Variants in MALRD1 observed in about 807,000 individuals in gnomAD.
MALRD1 encodes MAM and LDL receptor class A domain containing 1.
Under a neutral mutation model 242.1 loss-of-function variants are expected in MALRD1, and 247 were observed. That is an observed-to-expected ratio of 1.02 (90% CI 0.92 to 1.13). The LOEUF is 1.13. Among genes scored for constraint, MALRD1 ranks in the 50% most tolerant of loss-of-function variants. The pLI is 0.00. For synonymous variants in MALRD1, 995 were observed against 866.6 expected, an observed-to-expected ratio of 1.15 and a Z score of -2.60; for missense variants, 2,989 against 2,533.1, an observed-to-expected ratio of 1.18 and a Z score of -3.86.
chr10:19,205,359 G>A, intron 17 of MALRD1, 94 bp downstream of exon 17: 1 of 1,375,838 alleles, frequency 7.3e-7, no homozygotes, highest in Non-Finnish European at 9.6e-7. Flanking sequence ...ACCGATAACA[G>A]TAAGCATAGC....
intron 5 of MALRD1, among the ~76,000 whole-genome samples, chr10:19,115,692 A>T (rs1033118444): frequency 6.6e-6 from 1 of 152,214 alleles, no homozygotes; most frequent in African/African-American, 2.4e-5. Context: ...CCTGGGCAAC[A>T]TGGTGAAACC....
At chr10:19,593,295 A>G (rs1371638016) in intron 33 of MALRD1, among the ~76,000 whole-genome samples, 3 of 152,156 alleles carry the variant, frequency 2.0e-5, no homozygotes, top group African/African-American at 7.2e-5. Flanking sequence ...TTCTACAAAC[A>G]TAGGCTCCCT....
intron 26 of MALRD1, among the ~76,000 whole-genome samples, chr10:19,379,327 C>A (rs1000690634): frequency 6.6e-6 from 1 of 151,858 alleles, no homozygotes; most frequent in Non-Finnish European, 1.5e-5. Flanking sequence ...TATTTTCCTC[C>A]TTCTACTTAT....
intron 33 of MALRD1, among the ~76,000 whole-genome samples, chr10:19,585,721 G>A (rs1359470425): frequency 3.9e-5 from 6 of 152,040 alleles, no homozygotes; most frequent in South Asian, 2.1e-4. Context: ...TGCTCTTCTC[G>A]AGGAGTATCT....
In MALRD1 at chr10:19,182,504, A is replaced by G. The variant is rs1374870616; in HGVS notation, c.1951+7176A>G. ...CACGCCCGGCTAATTTTTTTTTTGT[A>G]TTTTTTTAGTAGAGACGGGGTTTCA... On this transcript the variant is annotated intron_variant, in intron 14 of 39. Coordinates refer to ENST00000454679, the MANE Select transcript of MALRD1 (RefSeq NM_001142308.3). Among the ~76,000 whole-genome samples the G allele has an allele frequency of 3.4e-5, 5 of 147,770 alleles. No individual in the cohort carries two copies. The East Asian group carries it at 6.0e-4, about 18-fold the overall frequency.
At chr10:19,307,526 G>A (rs1564548355) in intron 21 of MALRD1, among the ~76,000 whole-genome samples, 1 of 151,326 alleles carries the variant, frequency 6.6e-6, no homozygotes, top group African/African-American at 2.4e-5. Context: ...TATAACTCGG[G>A]GTGTGGATGA....
At chr10:19,315,578 T>TA (rs1484830362) in intron 21 of MALRD1, among the ~76,000 whole-genome samples, 3 of 62,434 alleles carry the variant, frequency 4.8e-5, no homozygotes, top group South Asian at 3.8e-4. Context: ...AATATATAAA[T>TA]TATAAATTAT....
intron 10 of MALRD1, among the ~76,000 whole-genome samples, chr10:19,142,733 G>A (rs1260160701): frequency 2.6e-5 from 4 of 152,070 alleles, no homozygotes; most frequent in Non-Finnish European, 5.9e-5. Flanking sequence ...GATTTTTTTA[G>A]ATTTTGCAAA....
At chr10:19,171,772 GATAT>G (rs931469498) in intron 13 of MALRD1, among the ~76,000 whole-genome samples, 2 of 139,280 alleles carry the variant, frequency 1.4e-5, no homozygotes, top group African/African-American at 5.2e-5. Flanking sequence ...CACATATATT[GATAT>G]ATATATCATA....
chr10:19,715,542 A>G (rs11011239), intron 38 of MALRD1, among the ~76,000 whole-genome samples: 6,326 of 152,288 alleles, frequency 0.042, 198 homozygotes, highest in Middle Eastern at 0.086. Flanking sequence ...GGAGAAAAGT[A>G]TATGTTAGCC....
intron 34 of MALRD1, 33 bp from the exon 35 acceptor site, chr10:19,607,744 G>A (rs1228025199): frequency 2.0e-6 from 3 of 1,534,560 alleles, no homozygotes; most frequent in South Asian, 2.5e-5. Context: ...AATCATGCTG[G>A]CATCCCTGAT....
intron 29 of MALRD1, among the ~76,000 whole-genome samples, chr10:19,482,251 C>A (rs1380641221): frequency 6.6e-6 from 1 of 151,952 alleles, no homozygotes; most frequent in Non-Finnish European, 1.5e-5. Context: ...TAGGGGTTAA[C>A]TTTTGCTTGC....
intron 38 of MALRD1, among the ~76,000 whole-genome samples, chr10:19,701,416 A>G (rs780458730): frequency 2.6e-5 from 4 of 152,106 alleles, no homozygotes; most frequent in South Asian, 2.1e-4. Flanking sequence ...TCTGAAAGGT[A>G]TCTGATTGAG....
At chr10:19,199,305 T>C (rs1442754228) in intron 14 of MALRD1, among the ~76,000 whole-genome samples, 1 of 152,214 alleles carries the variant, frequency 6.6e-6, no homozygotes, top group East Asian at 1.9e-4. Flanking sequence ...CATCTTCCAT[T>C]AAAAACACAT....
chr10:19,076,626 T>A (rs769387174), intron 2 of MALRD1, among the ~76,000 whole-genome samples: 1 of 152,012 alleles, frequency 6.6e-6, no homozygotes, highest in African/African-American at 2.4e-5. Context: ...CTCAATGCGA[T>A]TGCATTGATC....
intron 28 of MALRD1, among the ~76,000 whole-genome samples, chr10:19,439,013 G>T (rs1479526713): frequency 6.6e-6 from 1 of 151,410 alleles, no homozygotes; most frequent in African/African-American, 2.5e-5. Context: ...CAGGGAACTA[G>T]GAGCATGATG....
chr10:19,699,266 T>C (rs1833511253), intron 38 of MALRD1, among the ~76,000 whole-genome samples: 1 of 133,072 alleles, frequency 7.5e-6, no homozygotes, highest in African/African-American at 3.2e-5. Flanking sequence ...AGGGAGAAAA[T>C]TGTACTGTGG....
At chr10:19,602,858 T>C (rs962901840) in intron 34 of MALRD1, among the ~76,000 whole-genome samples, 1 of 152,132 alleles carries the variant, frequency 6.6e-6, no homozygotes, top group African/African-American at 2.4e-5. Context: ...CCAGCACCTG[T>C]TGTTTCCTGA....
intron 36 of MALRD1, among the ~76,000 whole-genome samples, chr10:19,670,879 A>ATTTTT (rs538335690): frequency 7.4e-6 from 1 of 134,276 alleles, no homozygotes; most frequent in Non-Finnish European, 1.6e-5. Context: ...CAAAACAATC[A>ATTTTT]TTTTTTTTTT....
Sources: gnomAD v4.1 joint callset for allele counts (sites outside exome capture counted in the v4.1 genomes callset) on GRCh38, gnomAD v4.1.1 for gene constraint, MANE v1.5 for transcripts, NCBI Gene and HGNC (gene_info 2026-07-23, HGNC 2026-07-21) for gene names.